The following GRXCR1 variants were observed in gnomAD, a reference collection of about 807,000 sequenced individuals.
GRXCR1 encodes glutaredoxin domain-containing cysteine-rich protein 1.
Under a neutral mutation model 27.3 loss-of-function variants are expected in GRXCR1, and 27 were observed. The ratio of observed to expected loss-of-function variants is 0.99; its 90% CI spans 0.73 to 1.37. GRXCR1 has a LOEUF of 1.37. GRXCR1 is among the 40% of genes most tolerant of loss of function. The pLI, the probability that GRXCR1 is intolerant of heterozygous loss-of-function variation, is 0.00. For missense variants in GRXCR1, 379 were observed against 354.4 expected, an observed-to-expected ratio of 1.07 and a Z score of -0.56; for synonymous variants, 122 against 131.1, an observed-to-expected ratio of 0.93 and a Z score of 0.47.
At chr4:42,922,523 C>A (rs1302109093) in intron 1 of GRXCR1, among the ~76,000 whole-genome samples, 1 of 152,078 alleles carries the variant, frequency 6.6e-6, no homozygotes, top group African/African-American at 2.4e-5. Flanking sequence ...GATAGTTCTG[C>A]AGTGCTGGGT....
intron 1 of GRXCR1, among the ~76,000 whole-genome samples, chr4:42,909,645 C>T (rs7656925): frequency 0.029 from 4,419 of 152,154 alleles, 85 homozygotes; most frequent in South Asian, 0.063. Flanking sequence ...AGTAACTTTA[C>T]GTCTATGTTG....
intron 1 of GRXCR1, among the ~76,000 whole-genome samples, chr4:42,917,037 C>A (rs1157585764): frequency 6.6e-6 from 1 of 152,016 alleles, no homozygotes; most frequent in Non-Finnish European, 1.5e-5. Flanking sequence ...GGGTCAAAGG[C>A]AATTTGAGAG....
chr4:42,950,358 A>G (rs1284238381), intron 1 of GRXCR1, among the ~76,000 whole-genome samples: 2 of 152,176 alleles, frequency 1.3e-5, no homozygotes, highest in African/African-American at 4.8e-5. Flanking sequence ...TTCCTGACTT[A>G]TTCGCTGCCT....
chr4:42,893,279 G>C lies in GRXCR1; in HGVS notation c.13G>C (p.Glu5Gln). 1 of 1,613,648 alleles carries C rather than the reference G, an allele frequency of 6.2e-7. No homozygotes were observed. Among genetic ancestry groups the C allele is most frequent in the African/African-American group, 1.3e-5 (1 of 75,008 alleles). The change falls in exon 1 of 4, where the codon GAG becomes CAG. Residue 5 changes from glutamate to glutamine, a missense_variant. By Grantham distance (29) the Glu-to-Gln change is conservative. Transcript: ENST00000399770. ...GGTGGAGGTGACCATGCTTAAAAGG[G>C]AGATGAAGCCAGAAAGTGACAGGCC... Reference protein sequence around the residue: MLKREMKPESDRPRK... With the variant: MLKRQMKPESDRPRK...
At chr4:43,022,447 GT>G (rs1480594454) in intron 3 of GRXCR1, among the ~76,000 whole-genome samples, 1 of 152,144 alleles carries the variant, frequency 6.6e-6, no homozygotes, top group Non-Finnish European at 1.5e-5. Context: ...AAAAGAAGAT[GT>G]TTTTCTCTTC....
intron 2 of GRXCR1, among the ~76,000 whole-genome samples, chr4:42,975,941 A>T (rs1748509508): frequency 6.6e-6 from 1 of 152,178 alleles, no homozygotes; most frequent in Non-Finnish European, 1.5e-5. Context: ...GGATGCAGGC[A>T]TTAAGTATTC....
chr4:43,019,748 CTG>C (rs895490662), intron 2 of GRXCR1, among the ~76,000 whole-genome samples: 65 of 152,268 alleles, frequency 4.3e-4, no homozygotes, highest in African/African-American at 1.3e-3. Context: ...AATTTTCTCT[CTG>C]TGTCTTCTCT....
At chr4:43,025,182 C>A (rs974050933) in intron 3 of GRXCR1, among the ~76,000 whole-genome samples, 5 of 152,094 alleles carry the variant, frequency 3.3e-5, no homozygotes, top group African/African-American at 1.2e-4. Flanking sequence ...TAAACTCTGC[C>A]ATTATCTTTG....
intron 2 of GRXCR1, among the ~76,000 whole-genome samples, chr4:43,015,366 GA>G (rs886967349): frequency 7.9e-5 from 12 of 152,292 alleles, no homozygotes; most frequent in Middle Eastern, 3.4e-3. Flanking sequence ...AGTTAAGTGA[GA>G]GGGAAAAGGA....
chr4:42,969,958 C>A (rs542337743), intron 2 of GRXCR1, among the ~76,000 whole-genome samples: 3 of 152,222 alleles, frequency 2.0e-5, no homozygotes, highest in African/African-American at 7.2e-5. Context: ...TTCTAAGATA[C>A]AGGGATCAGA....
intron 2 of GRXCR1, among the ~76,000 whole-genome samples, chr4:42,994,781 G>A (rs1256346935): frequency 1.3e-5 from 2 of 152,032 alleles, no homozygotes; most frequent in South Asian, 2.1e-4. Context: ...TGGAGAAGAG[G>A]ACATGATTAG....
intron 3 of GRXCR1, among the ~76,000 whole-genome samples, chr4:43,026,434 GA>G (rs1381275136): frequency 6.6e-6 from 1 of 151,856 alleles, no homozygotes; most frequent in African/African-American, 2.4e-5. Context: ...CCTGGGTGCT[GA>G]GGGGGCACTG....
chr4:43,001,119 G>A (rs1279696697), intron 2 of GRXCR1, among the ~76,000 whole-genome samples: 5 of 149,304 alleles, frequency 3.3e-5, no homozygotes, highest in Non-Finnish European at 5.9e-5. Flanking sequence ...TTTTTTTGGA[G>A]AGACAAGGTT....
At chr4:42,975,834 T>C (rs979589587) in intron 2 of GRXCR1, among the ~76,000 whole-genome samples, 1 of 152,176 alleles carries the variant, frequency 6.6e-6, no homozygotes, top group Admixed American at 6.6e-5. Flanking sequence ...TCATATTTGG[T>C]ATGAAATGTA....
chr4:42,955,642 T>C (rs1211865342), intron 1 of GRXCR1, among the ~76,000 whole-genome samples: 1 of 152,150 alleles, frequency 6.6e-6, no homozygotes, highest in Non-Finnish European at 1.5e-5. Flanking sequence ...TAAGTTATTG[T>C]GAGGAATTGA....
At chr4:42,937,846 A>C (rs1414368729) in intron 1 of GRXCR1, among the ~76,000 whole-genome samples, 2 of 152,036 alleles carry the variant, frequency 1.3e-5, no homozygotes, top group East Asian at 1.9e-4. Context: ...TGATATAGGC[A>C]TAAAATGTAT....
At chr4:42,899,959 C>T (rs747713529) in intron 1 of GRXCR1, among the ~76,000 whole-genome samples, 8 of 152,082 alleles carry the variant, frequency 5.3e-5, no homozygotes, top group Non-Finnish European at 1.2e-4. Context: ...TTAATGAATG[C>T]TTATGGGTGG....
At chr4:43,018,140 G>A (rs1264097622) in intron 2 of GRXCR1, among the ~76,000 whole-genome samples, 1 of 152,178 alleles carries the variant, frequency 6.6e-6, no homozygotes, top group South Asian at 2.1e-4. Flanking sequence ...CAAGTGGAGG[G>A]CAGAGACATG....
At chr4:42,917,262 G>T (rs1009766393) in intron 1 of GRXCR1, among the ~76,000 whole-genome samples, 8 of 152,012 alleles carry the variant, frequency 5.3e-5, no homozygotes, top group African/African-American at 1.9e-4. Flanking sequence ...GAAATATATG[G>T]GAGAGAAAAA....
Sources: gnomAD v4.1 joint callset for allele counts (sites outside exome capture counted in the v4.1 genomes callset) on GRCh38, gnomAD v4.1.1 for gene constraint, MANE v1.5 for transcripts, NCBI Gene and HGNC (gene_info 2026-07-23, HGNC 2026-07-21) for gene names.